STK3: variants seen among roughly 807,000 people sequenced by gnomAD.
The protein encoded by STK3 is serine/threonine-protein kinase 3.
A neutral mutation model predicts 58.0 loss-of-function variants in STK3; 41 were observed. The observed-to-expected ratio is 0.71, with a 90% CI of 0.55 to 0.92. The LOEUF is 0.92. Ranked by LOEUF, STK3 falls within the 40% of genes least tolerant of loss-of-function variation. The pLI is 0.00. For missense variants in STK3, 479 were observed against 602.7 expected, an observed-to-expected ratio of 0.79 and a Z score of 2.15; for synonymous variants, 170 against 191.0, an observed-to-expected ratio of 0.89 and a Z score of 0.91.
intron 3 of STK3, among the ~76,000 whole-genome samples, chr8:98,857,479 G>A (rs745741716): frequency 2.7e-5 from 4 of 150,816 alleles, no homozygotes; most frequent in Admixed American, 6.6e-5. Context: ...GTCTTTCAAA[G>A]GAAAATGTAT....
chr8:98,553,800 C>T (rs1811385082), intron 8 of STK3, among the ~76,000 whole-genome samples: 1 of 151,892 alleles, frequency 6.6e-6, no homozygotes, highest in African/African-American at 2.4e-5. Flanking sequence ...TCCATCTCTA[C>T]TAAAAATACA....
At chr8:98,671,831 C>A (rs1822853920) in intron 6 of STK3, among the ~76,000 whole-genome samples, 1 of 152,166 alleles carries the variant, frequency 6.6e-6, no homozygotes, top group African/African-American at 2.4e-5. Context: ...TTGTAATAAT[C>A]CTCAGGTATC....
intron 8 of STK3, among the ~76,000 whole-genome samples, chr8:98,548,681 G>C (rs1447628796): frequency 6.6e-6 from 1 of 151,810 alleles, no homozygotes; most frequent in East Asian, 1.9e-4. Flanking sequence ...TTACAATGTT[G>C]TGCAACCACC....
intron 1 of STK3, among the ~76,000 whole-genome samples, chr8:98,896,280 C>T (rs1337242846): frequency 6.6e-6 from 1 of 152,180 alleles, no homozygotes; most frequent in African/African-American, 2.4e-5. Flanking sequence ...AGAGACCCTC[C>T]ATTGCTTAAA....
At chr8:98,652,749 T>C (rs562604086) in intron 6 of STK3, among the ~76,000 whole-genome samples, 59 of 149,640 alleles carry the variant, frequency 3.9e-4, no homozygotes, top group Non-Finnish European at 8.3e-4. Context: ...CATTACATAA[T>C]GGTAAAGGGA....
chr8:98,412,241 C>T (rs957461318), intron 3 of STK3, among the ~76,000 whole-genome samples: 2 of 152,206 alleles, frequency 1.3e-5, no homozygotes, highest in Non-Finnish European at 2.9e-5. Flanking sequence ...AACCTCCTCT[C>T]TACCCTCTAC....
At chr8:98,502,703 C>T (rs189868048) in intron 10 of STK3, among the ~76,000 whole-genome samples, 247 of 152,214 alleles carry the variant, frequency 1.6e-3, no homozygotes, top group African/African-American at 4.4e-3. Context: ...TACTGGATTA[C>T]GTTTATTGAT....
At chr8:98,602,034 T>C (rs1406067565) in intron 6 of STK3, 1 of 152,230 alleles carries the variant, frequency 6.6e-6, no homozygotes, top group Non-Finnish European at 1.5e-5. Context: ...GTGAGTAACA[T>C]GGAGAACCAC....
intron 1 of STK3, among the ~76,000 whole-genome samples, chr8:98,812,664 A>G (rs1834302033): frequency 6.6e-6 from 1 of 152,266 alleles, no homozygotes; most frequent in African/African-American, 2.4e-5. Flanking sequence ...AGACTGGATT[A>G]AGAAAATGTG....
chr8:98,736,952 T>C (rs1373761321), intron 4 of STK3, among the ~76,000 whole-genome samples: 5 of 152,206 alleles, frequency 3.3e-5, no homozygotes, highest in Non-Finnish European at 5.9e-5. Flanking sequence ...GGTTAATATA[T>C]GTAGTATATA....
chr8:98,493,490 G>A lies in STK3; in HGVS notation c.1317+33252C>T, dbSNP rs1006316915. Among the ~76,000 whole-genome samples the A allele has an allele frequency of 2.6e-5, 4 of 152,116 alleles. No individual in the cohort carries two copies. In the South Asian group the frequency reaches 6.2e-4, roughly 24 times the overall value. ...CTCCTTAACACCTTATCCAATCTTCGGGTTTTAGCTCTCCTATGATTCGAT... is the reference window on the plus strand; with the variant it reads ...CTCCTTAACACCTTATCCAATCTTCAGGTTTTAGCTCTCCTATGATTCGAT... On this transcript the variant is annotated intron_variant, in intron 10 of 10. Transcript: ENST00000419617.
chr8:98,587,058 T>C, intron 7 of STK3, among the ~76,000 whole-genome samples: 1 of 152,150 alleles, frequency 6.6e-6, no homozygotes, highest in Non-Finnish European at 1.5e-5. Flanking sequence ...GCTCCTGGAT[T>C]CGTTAATTTT....
chr8:98,660,688 G>A (rs777810127), intron 6 of STK3, among the ~76,000 whole-genome samples: 1 of 151,996 alleles, frequency 6.6e-6, no homozygotes, highest in Non-Finnish European at 1.5e-5. Context: ...TCCCACCAAT[G>A]TTGTAGGATT....
chr8:98,411,199 GAGATGGGTT>G (rs1206211366), intron 3 of STK3, among the ~76,000 whole-genome samples: 1 of 152,170 alleles, frequency 6.6e-6, no homozygotes, highest in African/African-American at 2.4e-5. Flanking sequence ...TGAAGATTTG[GAGATGGGTT>G]TTCTGATGAT....
At chr8:98,620,672 A>T (rs909618747) in intron 6 of STK3, among the ~76,000 whole-genome samples, 3 of 151,508 alleles carry the variant, frequency 2.0e-5, no homozygotes, top group African/African-American at 7.2e-5. Context: ...GACAAGAAGA[A>T]AGAAAATAAT....
intron 6 of STK3, among the ~76,000 whole-genome samples, chr8:98,655,505 A>G (rs1218779239): frequency 6.6e-6 from 1 of 152,130 alleles, no homozygotes; most frequent in Non-Finnish European, 1.5e-5. Context: ...TAAACTAAAG[A>G]GCTTCTGCAC....
chr8:98,634,921 T>C (rs1048337272), intron 6 of STK3, among the ~76,000 whole-genome samples: 7 of 152,078 alleles, frequency 4.6e-5, no homozygotes, highest in African/African-American at 1.7e-4. Context: ...TATACTATTT[T>C]GAGAGAATTC....
intron 6 of STK3, among the ~76,000 whole-genome samples, chr8:98,701,489 C>T (rs1271237484): frequency 2.0e-5 from 3 of 151,856 alleles, no homozygotes; most frequent in Admixed American, 6.6e-5. Flanking sequence ...CATGGTGGTG[C>T]GCACTTGTAA....
chr8:98,429,489 T>A, intron 3 of STK3: 1 of 1,055,302 alleles, frequency 9.5e-7, no homozygotes, highest in South Asian at 1.5e-5. Context: ...AGGCACCTTA[T>A]GGTTATGGTG....
Sources: allele counts gnomAD v4.1 joint callset (sites outside exome capture counted in the v4.1 genomes callset), GRCh38; gene constraint gnomAD v4.1.1; transcripts MANE v1.5; gene names NCBI Gene and HGNC (gene_info 2026-07-23, HGNC 2026-07-21).